ZC3H18: variants seen among roughly 807,000 people sequenced by gnomAD.
ZC3H18 encodes zinc finger CCCH domain-containing protein 18.
ZC3H18 carries 8 observed loss-of-function variants against 106.1 expected under a neutral mutation model. The observed-to-expected ratio is 0.08, with a 90% confidence interval of 0.04 to 0.14. ZC3H18 has a LOEUF of 0.14. Ranked by LOEUF, ZC3H18 falls within the 10% of genes least tolerant of loss-of-function variation. ZC3H18 has a pLI of 1.00. For missense variants in ZC3H18, 1,318 were observed against 1,278.4 expected, an observed-to-expected ratio of 1.03 and a Z score of -0.47; for synonymous variants, 635 against 522.1, an observed-to-expected ratio of 1.22 and a Z score of -2.95.
intron 8 of ZC3H18, among the ~76,000 whole-genome samples, chr16:88,617,036 T>A (rs1179805295): frequency 6.6e-6 from 1 of 152,022 alleles, no homozygotes; most frequent in Non-Finnish European, 1.5e-5. Context: ...GTGTCCTGGG[T>A]AGAGTTGAGG....
At chr16:88,572,476 ATATC>A (rs751421328) in intron 1 of ZC3H18, among the ~76,000 whole-genome samples, 2 of 151,962 alleles carry the variant, frequency 1.3e-5, no homozygotes, top group Non-Finnish European at 2.9e-5. Flanking sequence ...TATTCAACAA[ATATC>A]TATCAAGTAT....
At chr16:88,587,612 A>G (rs1318213893) in intron 3 of ZC3H18, 15 of 1,535,410 alleles carry the variant, frequency 9.8e-6, no homozygotes, top group Non-Finnish European at 1.3e-5. Flanking sequence ...GCCAGGTTAA[A>G]GGTACAAAAT....
At chr16:88,595,929 C>G (rs1187113485) in intron 3 of ZC3H18, among the ~76,000 whole-genome samples, 1 of 152,158 alleles carries the variant, frequency 6.6e-6, no homozygotes, top group East Asian at 1.9e-4. Flanking sequence ...GATAAAAGTT[C>G]ACATTTTAAA....
intron 16 of ZC3H18, among the ~76,000 whole-genome samples, chr16:88,629,136 C>T (rs1272445712): frequency 6.6e-6 from 1 of 151,992 alleles, no homozygotes; most frequent in East Asian, 1.9e-4. Context: ...GTCAGGAGTT[C>T]CAGACCGGCC....
At chr16:88,607,391 G>C (rs968695538) in intron 6 of ZC3H18, among the ~76,000 whole-genome samples, 2 of 152,254 alleles carry the variant, frequency 1.3e-5, no homozygotes, top group African/African-American at 4.8e-5. Flanking sequence ...TTGGGTGTCA[G>C]CTTGTCTGGC....
chr16:88,611,123 A>G, intron 7 of ZC3H18, 145 bp from the exon 8 acceptor site: 1 of 677,082 alleles, frequency 1.5e-6, no homozygotes, highest in Non-Finnish European at 2.7e-6. Context: ...AGTCGGGAGC[A>G]CTTGGCGTTT....
At chr16:88,606,653 G>A (rs1905024218) in intron 6 of ZC3H18, among the ~76,000 whole-genome samples, 1 of 152,168 alleles carries the variant, frequency 6.6e-6, no homozygotes, top group South Asian at 2.1e-4. Context: ...ACGGTGTCTC[G>A]CGTGCTGTCC....
chr16:88,608,978 G>A lies in ZC3H18; in HGVS notation c.1133G>A (p.Arg378Gln), dbSNP rs368961958. The A allele has an allele frequency of 8.1e-6, 13 of 1,613,760 alleles. No homozygotes were observed. Among genetic ancestry groups the A allele is most frequent in the Non-Finnish European group, 1.0e-5 (12 of 1,179,884 alleles). ...ADPYYDYEIE[R>Q]FWRGGQYENF... Reference sequence around the variant, plus strand: ...CCTTATTATGACTATGAAATTGAGCGGTTTTGGCGTGGCGGACAGTATGAG... The same window carrying A: ...CCTTATTATGACTATGAAATTGAGCAGTTTTGGCGTGGCGGACAGTATGAG... Residue 378 changes from arginine (R) to glutamine (Q), a missense_variant, in exon 7 of 18, where the codon CGG (arginine) becomes CAG (glutamine). Arg to Gln is a conservative substitution (Grantham distance 43). Coordinates refer to ENST00000301011, the MANE Select transcript of ZC3H18 (RefSeq NM_144604.4).
At position 88,628,803 on chromosome 16, in the gene ZC3H18, G is replaced by T; in HGVS notation, c.2515G>T (p.Asp839Tyr). 1.2e-6 allele frequency: 2 copies of T among 1,614,100 alleles called. No individual in the cohort carries two copies. The highest frequency in any genetic ancestry group is 1.7e-6 in the Non-Finnish European group (2 of 1,180,002). Residue 839 changes from aspartate (D) to tyrosine (Y), a missense_variant, in exon 16 of 18, where the codon GAC becomes TAC. This residue lies in a region of ZC3H18 where 848 missense variants were observed against 821.7 expected (regional missense o/e 1.03). Coordinates refer to ENST00000301011, the MANE Select transcript of ZC3H18 (RefSeq NM_144604.4). ...SRKRYEPSDKDRQSPPPAKRP... is the reference protein window; with the variant it reads ...SRKRYEPSDKYRQSPPPAKRP... ...GAAGCGCTATGAACCATCAGACAAGGACAGGCAGAGCCCTCCTCCAGCCAA... is the reference window on the plus strand; with the variant it reads ...GAAGCGCTATGAACCATCAGACAAGTACAGGCAGAGCCCTCCTCCAGCCAA...
rs537868254 is a variant in ZC3H18 at position 88,628,137 on chromosome 16, C to T, written c.2469+18C>T. 1.4e-5 allele frequency: 23 copies of T among 1,609,046 alleles called. No homozygotes were observed. The East Asian group carries it at 4.9e-4, about 34-fold the overall frequency. ...TGAATAAGGTGAGGGCAAGGGCCCTCCTGGTGGCTGCCCCAGCGTCTAGGC... is the reference window on the plus strand; with the variant it reads ...TGAATAAGGTGAGGGCAAGGGCCCTTCTGGTGGCTGCCCCAGCGTCTAGGC... On this transcript the variant is annotated intron_variant, in intron 15 of 17. Coordinates refer to ENST00000301011, the MANE Select transcript of ZC3H18 (RefSeq NM_144604.4).
chr16:88,607,684 G>A (rs571227415), intron 6 of ZC3H18, among the ~76,000 whole-genome samples: 4 of 145,100 alleles, frequency 2.8e-5, no homozygotes, highest in Admixed American at 6.9e-5. Context: ...ATTCACACAC[G>A]CTTCATGTCT....
Position 88,628,034 on chromosome 16 carries a change from C to G in ZC3H18, c.2384C>G (p.Ser795Trp), listed in dbSNP as rs147815597. 22 of 1,614,062 alleles carry G rather than the reference C, an allele frequency of 1.4e-5. No homozygotes were observed. Among genetic ancestry groups the G allele is most frequent in the Non-Finnish European group, 1.8e-5 (21 of 1,180,048 alleles). The change falls in exon 15 of 18, where the codon TCG becomes TGG. Residue 795 changes from serine (S) to tryptophan (W), a missense_variant. Around this residue, in one of 6 missense-constraint regions of ZC3H18, gnomAD observed 848 missense variants for 821.7 expected, o/e 1.03. Coordinates refer to ENST00000301011, the MANE Select transcript of ZC3H18 (RefSeq NM_144604.4). ...PAGGKSSQQP[S>W]TPQQAPPGQP... is the part of the protein sequence containing the mutation. ...GGGGGGAAGTCCTCCCAGCAGCCCTCGACACCCCAGCAGGCACCCCCCGGG... is the reference window on the plus strand; with the variant it reads ...GGGGGGAAGTCCTCCCAGCAGCCCTGGACACCCCAGCAGGCACCCCCCGGG...
chr16:88,586,093 A>T (rs528382810), intron 2 of ZC3H18, among the ~76,000 whole-genome samples: 2 of 152,090 alleles, frequency 1.3e-5, no homozygotes, highest in Non-Finnish European at 2.9e-5. Context: ...GGTTGTTCTA[A>T]GACTTGACAG....
chr16:88,623,772 C>A, intron 10 of ZC3H18, 186 bp from the exon 11 acceptor site: 1 of 1,141,978 alleles, frequency 8.8e-7, no homozygotes, highest in Non-Finnish European at 1.2e-6. Context: ...ACCTTCCACG[C>A]TCTCTGGTCT....
intron 3 of ZC3H18, among the ~76,000 whole-genome samples, chr16:88,593,534 A>C (rs566587169): frequency 6.6e-6 from 1 of 152,356 alleles, no homozygotes; most frequent in East Asian, 1.9e-4. Flanking sequence ...AAAGCCAGAA[A>C]GCAGAGCTTC....
intron 2 of ZC3H18, among the ~76,000 whole-genome samples, chr16:88,578,838 C>G (rs1282467575): frequency 2.6e-5 from 4 of 152,142 alleles, no homozygotes; most frequent in Non-Finnish European, 5.9e-5. Flanking sequence ...TTACAGGCGC[C>G]CGCCACCACT....
At chr16:88,618,408 C>T (rs1664845886) in intron 8 of ZC3H18, among the ~76,000 whole-genome samples, 1 of 152,230 alleles carries the variant, frequency 6.6e-6, no homozygotes, top group African/African-American at 2.4e-5. Flanking sequence ...AGGCTCCCAT[C>T]TCCCTTTTCC....
In ZC3H18 at chr16:88,627,567, C is replaced by T; in HGVS notation, c.2109-55C>T. 3.9e-6 allele frequency: 6 copies of T among 1,552,322 alleles called. No homozygotes were observed. The highest frequency in any genetic ancestry group is 1.2e-5 in the South Asian group (1 of 82,614). ...AAAGTGGACCATGGAGCACCCCCTGCTGGCCCCTCCCTCCAGTCTGGCTGG... is the reference window on the plus strand; with the variant it reads ...AAAGTGGACCATGGAGCACCCCCTGTTGGCCCCTCCCTCCAGTCTGGCTGG... On this transcript the variant is annotated intron_variant, in intron 13 of 17. Transcript: ENST00000301011. This position sits in a 1 kb window ranked among gnomAD's most constrained non-coding sequence, Gnocchi z 4.5.
At chr16:88,593,612 C>G (rs186998604) in intron 3 of ZC3H18, among the ~76,000 whole-genome samples, 3 of 152,342 alleles carry the variant, frequency 2.0e-5, no homozygotes, top group East Asian at 3.9e-4. Flanking sequence ...GCACCCAAGT[C>G]CAGCGGCCTC....
Sources: allele counts gnomAD v4.1 joint callset (sites outside exome capture counted in the v4.1 genomes callset), GRCh38; gene constraint gnomAD v4.1.1; regional missense constraint gnomAD v4.1.1; non-coding constraint Gnocchi (gnomAD v3.1); transcripts MANE v1.5; gene names NCBI Gene and HGNC (gene_info 2026-07-23, HGNC 2026-07-21).